The following FER1L6 variants were observed in gnomAD, a reference collection of about 807,000 sequenced individuals.
FER1L6 encodes the protein fer-1-like protein 6.
In FER1L6, 177 loss-of-function variants were observed where a neutral mutation model predicts 219.2. The ratio of observed to expected loss-of-function variants is 0.81; its 90% CI spans 0.71 to 0.91. The LOEUF is 0.91. Among genes scored for constraint, FER1L6 ranks in the 40% least tolerant of loss-of-function variants. The pLI, the probability that FER1L6 is intolerant of heterozygous loss-of-function variation, is 0.00. For synonymous variants in FER1L6, 768 were observed against 824.3 expected (o/e 0.93, Z 1.17); for missense variants, 2,153 against 2,259.9 (o/e 0.95, Z 0.96).
chr8:124,050,986 AAT>A (rs1353541234), intron 22 of FER1L6, among the ~76,000 whole-genome samples: 1 of 152,192 alleles, frequency 6.6e-6, no homozygotes, highest in Non-Finnish European at 1.5e-5. Flanking sequence ...AAAAACATCA[AAT>A]AAAGCCAAAA....
At chr8:124,034,726 T>C (rs965429648) in intron 18 of FER1L6, among the ~76,000 whole-genome samples, 19 of 152,182 alleles carry the variant, frequency 1.2e-4, no homozygotes, top group African/African-American at 4.1e-4. Context: ...TCCTGACTTA[T>C]GGAAGAAGTA....
At chr8:123,857,005 C>T (rs1816660980) in intron 1 of FER1L6, among the ~76,000 whole-genome samples, 1 of 152,098 alleles carries the variant, frequency 6.6e-6, no homozygotes, top group Admixed American at 6.6e-5. Flanking sequence ...TGGGTATCCT[C>T]ATTGACACAG....
chr8:123,919,422 G>T (rs1813292777), intron 1 of FER1L6, among the ~76,000 whole-genome samples: 1 of 152,240 alleles, frequency 6.6e-6, no homozygotes, highest in Admixed American at 6.5e-5. Context: ...GAAGGACTCT[G>T]GTTGAGCAGC....
At position 123,962,555 on chromosome 8, in the gene FER1L6, AAGG is replaced by A. The variant is rs1352978107; in HGVS notation, c.77-721_77-719del. On this transcript the variant is annotated intron_variant, in intron 2 of 40. Coordinates refer to ENST00000522917, the MANE Select transcript of FER1L6 (RefSeq NM_001039112.2). ...TCAGTTGTTGTGTCTAAACCACAAA[AAGG>A]AAGTATAATGAGGTATGCCTGACCT... 4.6e-5 allele frequency among the ~76,000 whole-genome samples: 7 copies of A among 152,294 alleles called. No homozygotes were observed. The East Asian group carries it at 7.7e-4, about 17-fold the overall frequency.
intron 1 of FER1L6, among the ~76,000 whole-genome samples, chr8:123,897,771 C>G (rs979471659): frequency 2.0e-5 from 3 of 152,112 alleles, no homozygotes; most frequent in Non-Finnish European, 4.4e-5. Flanking sequence ...ACTAACTTTA[C>G]TGATATAATT....
chr8:123,865,970 C>A (rs7005556), intron 1 of FER1L6, among the ~76,000 whole-genome samples: 2 of 146,546 alleles, frequency 1.4e-5, no homozygotes, highest in East Asian at 2.0e-4. Flanking sequence ...AGCTGTAGAC[C>A]GGAGCTGTTC....
chr8:123,856,998 G>A (rs1816660909), intron 1 of FER1L6, among the ~76,000 whole-genome samples: 1 of 152,038 alleles, frequency 6.6e-6, no homozygotes, highest in Non-Finnish European at 1.5e-5. Flanking sequence ...CATCTCCTGG[G>A]TATCCTCATT....
At chr8:123,905,058 C>T (rs972074861) in intron 1 of FER1L6, among the ~76,000 whole-genome samples, 1 of 152,126 alleles carries the variant, frequency 6.6e-6, no homozygotes, top group Non-Finnish European at 1.5e-5. Context: ...TAGCTAGGAT[C>T]TAGGAAACTA....
intron 14 of FER1L6, 104 bp downstream of exon 14, chr8:124,010,818 A>G (rs1190184718): frequency 3.5e-6 from 5 of 1,443,816 alleles, no homozygotes. Context: ...GTTCAAACAC[A>G]AATAAATTGA....
chr8:124,118,959 T>C lies in FER1L6; in HGVS notation c.5390+15T>C. 6.2e-7 allele frequency: 1 copy of C among 1,603,140 alleles called. No homozygotes were observed. The highest frequency in any genetic ancestry group is 1.1e-5 in the South Asian group (1 of 90,790). The stretch of plus-strand genomic sequence containing the variant: ...GCCAAGCCCAAGTGAGTGGAGTTGC[T>C]AGTGGGAACATCAGAAATGGGAAGG... On this transcript the variant is annotated intron_variant, in intron 40 of 40. Transcript: ENST00000522917.
In FER1L6 at chr8:124,076,341, G is replaced by C. The variant is rs1319857279; in HGVS notation, c.4220+16G>C. On this transcript the variant is annotated intron_variant, in intron 32 of 40. Coordinates refer to ENST00000522917, the MANE Select transcript of FER1L6 (RefSeq NM_001039112.2). ...TATTTGGAAGGTCAGTGGCCATCTG[G>C]GCTGTGTTTTATTGTCCTTTCTGCA... The C allele has an allele frequency of 6.2e-7, 1 of 1,611,332 alleles. No individual in the cohort carries two copies. Among genetic ancestry groups the C allele is most frequent in the Non-Finnish European group, 8.5e-7 (1 of 1,177,974 alleles).
intron 12 of FER1L6, among the ~76,000 whole-genome samples, chr8:123,988,388 G>A (rs1404809405): frequency 6.6e-6 from 1 of 152,156 alleles, no homozygotes; most frequent in Non-Finnish European, 1.5e-5. Context: ...GATAGAGATT[G>A]CATTGAATCT....
rs548929774 is a variant in FER1L6 at position 123,853,450 on chromosome 8, C to T, written c.-8+1265C>T. Among the ~76,000 whole-genome samples, 21 of 152,270 alleles carry T rather than the reference C, an allele frequency of 1.4e-4. No homozygotes were observed. The South Asian group carries it at 2.9e-3, about 21-fold the overall frequency. On this transcript the variant is annotated intron_variant, in intron 1 of 40. Coordinates refer to ENST00000522917, the MANE Select transcript of FER1L6 (RefSeq NM_001039112.2). The surrounding 1 kb of genome is among the most constrained non-coding windows in gnomAD (Gnocchi z 6.6). ...GATTATAGGCGTGAGCCACCGTACC[C>T]GGCCTAAAATAGAAGAAATCATTTT...
chr8:124,014,723 C>T (rs1338649610), intron 15 of FER1L6, among the ~76,000 whole-genome samples: 1 of 151,992 alleles, frequency 6.6e-6, no homozygotes, highest in East Asian at 1.9e-4. Context: ...AATTAGTAAC[C>T]CTTATTCTAG....
chr8:124,067,905 C>G (rs907883605), intron 28 of FER1L6, 99 bp downstream of exon 28: 1 of 880,846 alleles, frequency 1.1e-6, no homozygotes, highest in Non-Finnish European at 1.8e-6. Flanking sequence ...GAGCTCAACT[C>G]CCTCCTTTCC....
At chr8:123,919,501 G>C (rs1813295046) in intron 1 of FER1L6, among the ~76,000 whole-genome samples, 1 of 152,174 alleles carries the variant, frequency 6.6e-6, no homozygotes, top group Admixed American at 6.5e-5. Context: ...TTGCCCTGGG[G>C]GGCCTGCCAC....
At chr8:124,118,246 A>C (rs1823329809) in intron 39 of FER1L6, among the ~76,000 whole-genome samples, 1 of 152,240 alleles carries the variant, frequency 6.6e-6, no homozygotes, top group Non-Finnish European at 1.5e-5. Context: ...TCCCTGACAG[A>C]AACTATGGCA....
intron 31 of FER1L6, among the ~76,000 whole-genome samples, chr8:124,073,622 T>C (rs1040081677): frequency 6.6e-6 from 1 of 152,206 alleles, no homozygotes; most frequent in African/African-American, 2.4e-5. Context: ...TAGATTAGTA[T>C]GTATAGGTCT....
intron 39 of FER1L6, among the ~76,000 whole-genome samples, chr8:124,112,124 C>G (rs1466135822): frequency 1.3e-5 from 2 of 152,150 alleles, no homozygotes; most frequent in Admixed American, 1.3e-4. Context: ...AGACTGGGTG[C>G]CTCCAACATG....
Sources: allele counts gnomAD v4.1 joint callset (sites outside exome capture counted in the v4.1 genomes callset), GRCh38; gene constraint gnomAD v4.1.1; non-coding constraint Gnocchi (gnomAD v3.1); transcripts MANE v1.5; gene names NCBI Gene and HGNC (gene_info 2026-07-23, HGNC 2026-07-21).